Variants in ASAP2 observed in about 807,000 individuals in gnomAD.
ASAP2 encodes the protein arf-GAP with SH3 domain, ANK repeat and PH domain-containing protein 2.
Under a neutral mutation model 131.4 loss-of-function variants are expected in ASAP2, and 45 were observed. The observed-to-expected ratio is 0.34, with a 90% CI of 0.27 to 0.44. ASAP2 has a LOEUF of 0.44. Among genes scored for constraint, ASAP2 ranks in the 20% least tolerant of loss-of-function variants. The pLI, the probability that ASAP2 is intolerant of heterozygous loss-of-function variation, is 1.00. For missense variants in ASAP2, 1,011 were observed against 1,297.0 expected (o/e 0.78, Z 3.39); for synonymous variants, 510 against 503.0 (o/e 1.01, Z -0.19).
intron 1 of ASAP2, among the ~76,000 whole-genome samples, chr2:9,253,410 C>T (rs1311500442): frequency 2.1e-5 from 3 of 144,082 alleles, no homozygotes; most frequent in Admixed American, 1.3e-4. Flanking sequence ...GTGATCCGCC[C>T]GCGTTGGCTT....
Position 9,232,023 on chromosome 2 carries a change from G to A in ASAP2, c.126+24793G>A, listed in dbSNP as rs1240302395. Among the ~76,000 whole-genome samples, 1 of 152,204 alleles carries A rather than the reference G, an allele frequency of 6.6e-6. No homozygotes were observed. Among genetic ancestry groups the A allele is most frequent in the East Asian group, 1.9e-4 (1 of 5,194 alleles). ...CTCTCCATTCCTCCAGCTGCAGTGG[G>A]TGCCCCTGTCATTTGTCAGCCAGAG... is the stretch of plus-strand genomic sequence containing the variant. On this transcript the variant is annotated intron_variant, in intron 1 of 27. Transcript: ENST00000281419. The surrounding 1 kb of genome is among the most constrained non-coding windows in gnomAD (Gnocchi z 4.1).
intron 1 of ASAP2, among the ~76,000 whole-genome samples, chr2:9,226,032 A>C (rs1405853543): frequency 6.6e-6 from 1 of 152,122 alleles, no homozygotes; most frequent in Non-Finnish European, 1.5e-5. Context: ...CAGGGAGGAG[A>C]TGACATTGGA....
At chr2:9,369,719 G>C (rs1673785361) in intron 16 of ASAP2, among the ~76,000 whole-genome samples, 1 of 152,238 alleles carries the variant, frequency 6.6e-6, no homozygotes, top group Non-Finnish European at 1.5e-5. Flanking sequence ...AGCATTTTCT[G>C]TGGAATAAGC....
intron 24 of ASAP2, 84 bp downstream of exon 24, chr2:9,393,731 T>G: frequency 7.3e-7 from 1 of 1,367,234 alleles, no homozygotes; most frequent in Non-Finnish European, 9.8e-7. Context: ...ATGTTTGCAA[T>G]CCCCAGGGCT....
Position 9,207,025 on chromosome 2 carries a change from G to GAGC in ASAP2, c.-79_-77dup. On this transcript the variant is annotated 5_prime_UTR_variant, in exon 1 of 28. Coordinates refer to ENST00000281419, the MANE Select transcript of ASAP2 (RefSeq NM_003887.3). The surrounding 1 kb of genome is among the most constrained non-coding windows in gnomAD (Gnocchi z 4.1). ...AGCGGCGGCGGCAGCGGCGGTGTCCGAGCGGCGGTCGGAGCCTGCTGCGGC... is the reference window on the plus strand; with the variant it reads ...AGCGGCGGCGGCAGCGGCGGTGTCCGAGCAGCGGCGGTCGGAGCCTGCTGCGGC... 2.6e-6 allele frequency: 3 copies of GAGC among 1,149,348 alleles called. No homozygotes were observed. The highest frequency in any genetic ancestry group is 3.2e-6 in the Non-Finnish European group (3 of 930,932). The allele number at this position is 1,149,348 out of a possible 1,614,324, so 71.2% of individuals were successfully genotyped here.
intron 7 of ASAP2, among the ~76,000 whole-genome samples, chr2:9,334,277 G>A (rs1671049113): frequency 6.8e-6 from 1 of 148,044 alleles, no homozygotes; most frequent in South Asian, 2.1e-4. Context: ...TGGAACTCCT[G>A]GTCTCTAGTG....
intron 16 of ASAP2, among the ~76,000 whole-genome samples, chr2:9,373,142 T>C (rs1487223264): frequency 1.3e-5 from 2 of 151,738 alleles, no homozygotes; most frequent in Admixed American, 6.6e-5. Context: ...CCGGGGGACG[T>C]TGAGGCACCC....
chr2:9,356,369 C>A (rs1398605859), intron 14 of ASAP2, 24 bp downstream of exon 14: 3 of 1,554,026 alleles, frequency 1.9e-6, no homozygotes, highest in Non-Finnish European at 2.6e-6. Context: ...CCCACCCGAC[C>A]CTGGGCTCTA....
Position 9,368,479 on chromosome 2 carries a change from C to G in ASAP2, c.1516C>G (p.Pro506Ala). The stretch of plus-strand genomic sequence containing the variant: ...TAATGAGATCATGGAATGTTGCCTA[C>G]CAGCTGAGGACTCAGTCAAACCCAA... ...GFNEIMECCL[P>A]AEDSVKPNPG... The change falls in exon 16 of 28, where the codon CCA becomes GCA. Residue 506 changes from proline to alanine, a missense_variant. Pro to Ala is a conservative substitution (Grantham distance 27). Transcript: ENST00000281419. 3 of 1,614,112 alleles carry G rather than the reference C, an allele frequency of 1.9e-6. No individual in the cohort carries two copies. In the East Asian group the frequency reaches 6.7e-5, roughly 36 times the overall value.
chr2:9,379,994 AAAAAAAAAAT>A (rs973984914), intron 19 of ASAP2, among the ~76,000 whole-genome samples: 1 of 149,070 alleles, frequency 6.7e-6, no homozygotes, highest in Non-Finnish European at 1.5e-5. Flanking sequence ...CCATCTCAAA[AAAAAAAAAAT>A]AAATAAAGTA....
chr2:9,335,584 G>T (rs1453693803), intron 9 of ASAP2, among the ~76,000 whole-genome samples: 1 of 152,202 alleles, frequency 6.6e-6, no homozygotes, highest in Admixed American at 6.5e-5. Flanking sequence ...ACCAGCTGGG[G>T]CTCTGCCAGC....
chr2:9,265,977 T>C (rs550504198), intron 1 of ASAP2, among the ~76,000 whole-genome samples: 1 of 152,170 alleles, frequency 6.6e-6, no homozygotes, highest in African/African-American at 2.4e-5. Flanking sequence ...TTTCACCATG[T>C]TAGCCAGGCT....
chr2:9,345,684 G>C (rs1033870704), intron 11 of ASAP2, among the ~76,000 whole-genome samples: 1 of 152,042 alleles, frequency 6.6e-6, no homozygotes, highest in Non-Finnish European at 1.5e-5. Context: ...CAGCAGCCTT[G>C]GGCGTGTGAG....
chr2:9,262,332 G>T (rs913494724), intron 1 of ASAP2, among the ~76,000 whole-genome samples: 3 of 151,968 alleles, frequency 2.0e-5, no homozygotes, highest in Non-Finnish European at 4.4e-5. Flanking sequence ...TCTTCTTAAC[G>T]GCCACTTTAA....
intron 3 of ASAP2, among the ~76,000 whole-genome samples, chr2:9,317,584 G>C (rs1460306913): frequency 7.5e-6 from 1 of 132,908 alleles, no homozygotes. Context: ...CCACACACCC[G>C]TACACAATCA....
At position 9,336,215 on chromosome 2, in the gene ASAP2, G is replaced by A. The variant is rs7589827; in HGVS notation, c.849+1036G>A. Among the ~76,000 whole-genome samples the A allele has an allele frequency of 4.6e-3, 705 of 152,170 alleles. 8 individuals carry two copies. Among genetic ancestry groups the A allele is most frequent in the African/African-American group, 0.015 (640 of 41,500 alleles). On this transcript the variant is annotated intron_variant, in intron 9 of 27. Coordinates refer to ENST00000281419, the MANE Select transcript of ASAP2 (RefSeq NM_003887.3). ...GGCTGAAGAGTTTGCATAAATATTA[G>A]GGAAGTGGACATTTTCTGGGTTTAC... is the stretch of plus-strand genomic sequence containing the variant.
intron 1 of ASAP2, among the ~76,000 whole-genome samples, chr2:9,212,800 A>G (rs961031402): frequency 6.6e-6 from 1 of 152,080 alleles, no homozygotes; most frequent in Non-Finnish European, 1.5e-5. Context: ...CATCACCTGG[A>G]AACTTGCTGA....
intron 9 of ASAP2, among the ~76,000 whole-genome samples, chr2:9,339,286 T>A (rs1481956703): frequency 6.6e-6 from 1 of 152,038 alleles, no homozygotes; most frequent in Non-Finnish European, 1.5e-5. Context: ...CCTGGGGAGC[T>A]GTCTAGCAGA....
chr2:9,318,448 T>G (rs758422200), intron 3 of ASAP2, 76 bp from the exon 4 acceptor site: 9 of 1,080,862 alleles, frequency 8.3e-6, no homozygotes, highest in Non-Finnish European at 1.3e-5. Flanking sequence ...AAATGTTCTC[T>G]CTAATGTCCT....
Sources: allele counts gnomAD v4.1 joint callset (sites outside exome capture counted in the v4.1 genomes callset), GRCh38; gene constraint gnomAD v4.1.1; non-coding constraint Gnocchi (gnomAD v3.1); transcripts MANE v1.5; gene names NCBI Gene and HGNC (gene_info 2026-07-23, HGNC 2026-07-21).